Variants in SCFD1 observed in about 807,000 individuals in gnomAD.
The protein encoded by SCFD1 is sec1 family domain-containing protein 1.
SCFD1 carries 37 observed loss-of-function variants against 103.2 expected under a neutral mutation model. That is an observed-to-expected ratio of 0.36 (90% CI 0.28 to 0.47). The LOEUF is 0.47. Among genes scored for constraint, SCFD1 ranks in the 20% least tolerant of loss-of-function variants. The pLI is 1.00. For synonymous variants in SCFD1, 264 were observed against 245.0 expected (o/e 1.08, Z -0.73); for missense variants, 639 against 761.2 (o/e 0.84, Z 1.89).
At chr14:30,633,712 A>G (rs1237962611) in intron 3 of SCFD1, among the ~76,000 whole-genome samples, 2 of 152,182 alleles carry the variant, frequency 1.3e-5, no homozygotes, top group African/African-American at 2.4e-5. Flanking sequence ...AAGCAGTGCT[A>G]AAAGTGTGAG....
chr14:30,692,084 G>A (rs1032787682), intron 14 of SCFD1, among the ~76,000 whole-genome samples: 3 of 151,866 alleles, frequency 2.0e-5, no homozygotes, highest in Non-Finnish European at 4.4e-5. Flanking sequence ...CTGCACCTTA[G>A]CATACTGAGT....
At chr14:30,652,809 C>G (rs1431270439) in intron 9 of SCFD1, among the ~76,000 whole-genome samples, 1 of 152,010 alleles carries the variant, frequency 6.6e-6, no homozygotes, top group Non-Finnish European at 1.5e-5. Flanking sequence ...GAGTTCAAGA[C>G]CAGCCTGGGC....
At chr14:30,643,240 T>A (rs1016867414) in intron 6 of SCFD1, 76 bp from the exon 7 acceptor site, 3 of 930,712 alleles carry the variant, frequency 3.2e-6, no homozygotes, top group African/African-American at 1.7e-5. Context: ...AAGAATTTAG[T>A]AATAATTTTA....
At chr14:30,637,341 C>T (rs1363844616) in intron 4 of SCFD1, among the ~76,000 whole-genome samples, 4 of 151,994 alleles carry the variant, frequency 2.6e-5, no homozygotes, top group African/African-American at 4.8e-5. Flanking sequence ...TTCCCAGTAT[C>T]GTGAACATAT....
In SCFD1 at chr14:30,638,066, A is replaced by G. The variant is rs143237126; in HGVS notation, c.313-59A>G. On this transcript the variant is annotated intron_variant, in intron 4 of 24. Coordinates refer to ENST00000458591, the MANE Select transcript of SCFD1 (RefSeq NM_016106.4). The stretch of plus-strand genomic sequence containing the variant: ...ATAACTTTGCCTTATAGTAGTTGAA[A>G]CATATGTATTCATGGTCTTCTTTAT... 77 of 1,461,104 alleles carry G rather than the reference A, an allele frequency of 5.3e-5. No individual in the cohort carries two copies. The African/African-American group carries it at 9.6e-4, about 18-fold the overall frequency. 90.5% of individuals were successfully genotyped at this position (1,461,104 alleles called of 1,614,324 possible).
intron 19 of SCFD1, among the ~76,000 whole-genome samples, chr14:30,708,738 G>A (rs1406149581): frequency 6.6e-6 from 1 of 151,154 alleles, no homozygotes; most frequent in Non-Finnish European, 1.5e-5. Flanking sequence ...TATGTAAATT[G>A]GACTAAACAA....
chr14:30,702,820 G>C (rs1891170317), intron 17 of SCFD1, among the ~76,000 whole-genome samples: 1 of 152,112 alleles, frequency 6.6e-6, no homozygotes, highest in African/African-American at 2.4e-5. Context: ...GGTATAAAGA[G>C]TTCTTTAAAA....
intron 10 of SCFD1, among the ~76,000 whole-genome samples, chr14:30,659,178 T>G (rs1463359551): frequency 1.3e-5 from 2 of 151,406 alleles, no homozygotes; most frequent in African/African-American, 2.4e-5. Context: ...CTATAGTTTT[T>G]TTTTTTTTTT....
chr14:30,634,450 A>G (rs1467774688), intron 4 of SCFD1, among the ~76,000 whole-genome samples: 3 of 152,230 alleles, frequency 2.0e-5, no homozygotes, highest in Admixed American at 6.5e-5. Flanking sequence ...TTTATAAATT[A>G]TAAATTAAGT....
chr14:30,719,489 G>A lies in SCFD1; in HGVS notation c.1736+112G>A, dbSNP rs73254565. The stretch of plus-strand genomic sequence containing the variant: ...AAAATCCAAACTATATGGAAAACTC[G>A]TAAGGAAACAAGGATGTATAATCTC... On this transcript the variant is annotated intron_variant, in intron 21 of 24. Coordinates refer to ENST00000458591, the MANE Select transcript of SCFD1 (RefSeq NM_016106.4). 3,512 of 710,880 alleles carry A rather than the reference G, an allele frequency of 4.9e-3. 121 individuals carry two copies. In the African/African-American group the frequency reaches 0.057, roughly 11 times the overall value. 44.0% of individuals were successfully genotyped at this position (710,880 alleles called of 1,614,324 possible). A position where few individuals can be genotyped will look rare whatever the true frequency, so the allele number is the denominator to read the frequency against.
chr14:30,684,728 CTT>C (rs766941201), intron 14 of SCFD1, among the ~76,000 whole-genome samples: 698 of 56,892 alleles, frequency 0.012, 3 homozygotes, highest in African/African-American at 0.036. Context: ...CTCACTTATT[CTT>C]TTTTTTTTTT....
intron 4 of SCFD1, among the ~76,000 whole-genome samples, chr14:30,636,072 A>G (rs1326639279): frequency 6.6e-6 from 1 of 152,078 alleles, no homozygotes; most frequent in Non-Finnish European, 1.5e-5. Flanking sequence ...TATTCAGATC[A>G]TTCACCCAGT....
At chr14:30,652,400 A>T (rs982316315) in intron 9 of SCFD1, 1 of 152,162 alleles carries the variant, frequency 6.6e-6, no homozygotes, top group African/African-American at 2.4e-5. Context: ...TGTTAAGGGG[A>T]TAATAATATA....
chr14:30,694,628 C>A, intron 14 of SCFD1, 145 bp from the exon 15 acceptor site: 1 of 1,227,772 alleles, frequency 8.1e-7, no homozygotes, highest in South Asian at 2.0e-5. Context: ...GTACTTCAGC[C>A]TGGTACTTCT....
chr14:30,710,112 T>C (rs1229593638), intron 19 of SCFD1, among the ~76,000 whole-genome samples: 1 of 152,182 alleles, frequency 6.6e-6, no homozygotes, highest in African/African-American at 2.4e-5. Context: ...TGGTCAATTC[T>C]TAAATATTTT....
chr14:30,662,345 G>A (rs533930415), intron 10 of SCFD1, among the ~76,000 whole-genome samples: 16 of 152,266 alleles, frequency 1.1e-4, no homozygotes, highest in South Asian at 2.1e-4. Context: ...TAATGTAGGC[G>A]AGGATGGAAG....
intron 23 of SCFD1, among the ~76,000 whole-genome samples, chr14:30,726,468 G>C (rs1415558441): frequency 6.6e-6 from 1 of 152,190 alleles, no homozygotes; most frequent in East Asian, 1.9e-4. Context: ...TTTGCACCAA[G>C]TAGCAATTAC....
At chr14:30,647,989 C>T (rs1828679270) in intron 7 of SCFD1, among the ~76,000 whole-genome samples, 1 of 152,132 alleles carries the variant, frequency 6.6e-6, no homozygotes, top group African/African-American at 2.4e-5. Flanking sequence ...AAATTATTGC[C>T]AATCTGACAT....
chr14:30,715,648 A>G (rs1030322472), intron 19 of SCFD1: 4 of 250,634 alleles, frequency 1.6e-5, no homozygotes, highest in Non-Finnish European at 2.2e-5. Flanking sequence ...AACACCCAAC[A>G]AAGTAAAAAG....
Sources: allele counts gnomAD v4.1 joint callset (sites outside exome capture counted in the v4.1 genomes callset), GRCh38; gene constraint gnomAD v4.1.1; transcripts MANE v1.5; gene names NCBI Gene and HGNC (gene_info 2026-07-23, HGNC 2026-07-21).